Variants in OR6B3 observed in about 807,000 individuals in gnomAD.
OR6B3 encodes olfactory receptor 6B3.
For missense variants in OR6B3, 315 were observed against 427.4 expected, an observed-to-expected ratio of 0.74 and a Z score of 2.32; for synonymous variants, 148 against 187.8, an observed-to-expected ratio of 0.79 and a Z score of 1.73.
upstream of OR6B3, among the ~76,000 whole-genome samples, chr2:240,049,285 A>AT (rs10716405): frequency 3.3e-5 from 5 of 151,968 alleles, no homozygotes; most frequent in East Asian, 5.8e-4. Context: ...AATAAGTTAT[A>AT]TTTTTTTGTA....
downstream of OR6B3, among the ~76,000 whole-genome samples, chr2:240,044,846 C>T (rs1381992385): frequency 6.6e-6 from 1 of 152,216 alleles, no homozygotes; most frequent in Non-Finnish European, 1.5e-5. Flanking sequence ...TGTTTTGCTG[C>T]TTTCTGAAAT....
rs757786017 is a variant in OR6B3, at chr2:240,045,928, C to T, written c.145G>A (p.Val49Ile). 3.1e-5 allele frequency: 48 copies of T among 1,531,270 alleles called. No individual in the cohort carries two copies. In the Middle Eastern group the frequency reaches 5.1e-4, roughly 16 times the overall value. 94.9% of individuals were successfully genotyped at this position (1,531,270 alleles called of 1,614,324 possible). ...CTGTGGAGGGAGGTGCTGCTCCAGA[C>T]GGTGAGGATGATGGCCAGGTTCTCC... is the stretch of plus-strand genomic sequence containing the variant. Residue 49 changes from valine (V) to isoleucine (I), a missense_variant, in exon 2 of 2, where the codon GTC (valine) becomes ATC (isoleucine). Coordinates refer to ENST00000641019, the Ensembl canonical transcript of OR6B3.
At chr2:240,051,555 A>G (rs1401076596), upstream of OR6B3, among the ~76,000 whole-genome samples, 2 of 152,250 alleles carry the variant, frequency 1.3e-5, no homozygotes, top group Admixed American at 6.5e-5. Flanking sequence ...ACAAAATAGC[A>G]AATTCCTGAT....
chr2:240,047,394 G>A (rs1344989606), upstream of OR6B3, among the ~76,000 whole-genome samples: 1 of 152,184 alleles, frequency 6.6e-6, no homozygotes, highest in Admixed American at 6.5e-5. Flanking sequence ...ATATGGAATG[G>A]TTTCCAAGGT....
chr2:240,045,073 C>T (rs770024667), downstream of OR6B3: 2 of 1,560,856 alleles, frequency 1.3e-6, no homozygotes, highest in Non-Finnish European at 1.7e-6. Flanking sequence ...GTCAAATGGC[C>T]TCCTCAGAGA....
chr2:240,053,182 C>T, the OR6B3 span, among the ~76,000 whole-genome samples: 1 of 152,206 alleles, frequency 6.6e-6, no homozygotes, highest in Non-Finnish European at 1.5e-5. This position sits in a 1 kb window ranked among gnomAD's most constrained non-coding sequence, Gnocchi z 4.1. Flanking sequence ...GCCAGTTCCT[C>T]ACACGCCTGT....
At chr2:240,044,669 T>C (rs896547194), downstream of OR6B3, among the ~76,000 whole-genome samples, 3 of 152,246 alleles carry the variant, frequency 2.0e-5, no homozygotes, top group African/African-American at 7.2e-5. Context: ...CCCAAGACAA[T>C]CAGAGAACAT....
chr2:240,044,973 A>G (rs375784736), downstream of OR6B3: 50 of 1,058,032 alleles, frequency 4.7e-5, 1 homozygote, highest in South Asian at 3.5e-4. Flanking sequence ...TACCTATGCT[A>G]TTAACCTCAA....
upstream of OR6B3, among the ~76,000 whole-genome samples, chr2:240,050,602 T>C (rs1698244064): frequency 6.6e-6 from 1 of 151,908 alleles, no homozygotes; most frequent in South Asian, 2.1e-4. Context: ...TAATCCCAGC[T>C]ACTCCAAAGT....
exon 2 of OR6B3, chr2:240,045,396 A>C (rs1178436362): frequency 1.9e-6 from 3 of 1,614,218 alleles, no homozygotes. Flanking sequence ...GGGGATGCGC[A>C]GGACAGCCAG....
upstream of OR6B3, among the ~76,000 whole-genome samples, chr2:240,050,855 T>A (rs1225155164): frequency 2.0e-5 from 3 of 151,704 alleles, no homozygotes; most frequent in African/African-American, 7.3e-5. Flanking sequence ...GGAATTAGAA[T>A]AGTAAAATTT....
At chr2:240,047,545 T>C (rs1202380103), upstream of OR6B3, among the ~76,000 whole-genome samples, 1 of 152,224 alleles carries the variant, frequency 6.6e-6, no homozygotes, top group African/African-American at 2.4e-5. Context: ...GCAGAGCAGG[T>C]CACTGGAACA....
upstream of OR6B3, among the ~76,000 whole-genome samples, chr2:240,049,659 T>G (rs189953557): frequency 6.6e-6 from 1 of 152,138 alleles, no homozygotes; most frequent in Non-Finnish European, 1.5e-5. Flanking sequence ...CAAAACAAAA[T>G]GCAAACGTCT....
chr2:240,045,485 C>T (rs1698171576), exon 2 of OR6B3: 1 of 1,614,038 alleles, frequency 6.2e-7, no homozygotes, highest in Non-Finnish European at 8.5e-7. Flanking sequence ...AATCCACCAG[C>T]TCTGCAGTGG....
upstream of OR6B3, among the ~76,000 whole-genome samples, chr2:240,051,495 C>T (rs1196222549): frequency 6.6e-6 from 1 of 152,198 alleles, no homozygotes. Context: ...GCAGATCTTT[C>T]CTACATTAGG....
Position 240,045,972 on chromosome 2 carries a change from G to A in OR6B3, c.101C>T (p.Thr34Ile), listed in dbSNP as rs555021754. Residue 34 changes from threonine to isoleucine, a missense_variant, in exon 2 of 2, where the codon ACC becomes ATC. Thr to Ile is a moderately conservative substitution (Grantham distance 89). Transcript: ENST00000641019. ...GTTCTCCACCAGGACAAAGAGGTAG[G>A]TGAGCAGGAAGAGGAGGAAGAGCAG... 1.6e-5 allele frequency: 26 copies of A among 1,597,694 alleles called. No homozygotes were observed. The South Asian group carries it at 2.6e-4, about 16-fold the overall frequency.
exon 2 of OR6B3, chr2:240,045,273 G>T (rs1339438913): frequency 6.2e-7 from 1 of 1,614,114 alleles, no homozygotes; most frequent in Non-Finnish European, 8.5e-7. Flanking sequence ...GGAGCTCCGG[G>T]AATCAATGGC....
At chr2:240,052,036 T>G in the OR6B3 span, among the ~76,000 whole-genome samples, 2,814 of 152,284 alleles carry the variant, frequency 0.018, 90 homozygotes, top group African/African-American at 0.065. The surrounding 1 kb of genome is among the most constrained non-coding windows in gnomAD (Gnocchi z 4.5). Flanking sequence ...GTAGACAAAA[T>G]TATCATTATT....
At chr2:240,053,124 T>G in the OR6B3 span, among the ~76,000 whole-genome samples, 1 of 152,198 alleles carries the variant, frequency 6.6e-6, no homozygotes, top group African/African-American at 2.4e-5. This position sits in a 1 kb window ranked among gnomAD's most constrained non-coding sequence, Gnocchi z 4.1. Flanking sequence ...AGACAGATTT[T>G]ATGGTGGGGC....
Sources: allele counts gnomAD v4.1 joint callset (sites outside exome capture counted in the v4.1 genomes callset), GRCh38; gene constraint gnomAD v4.1.1; non-coding constraint Gnocchi (gnomAD v3.1); transcripts MANE v1.5; gene names NCBI Gene and HGNC (gene_info 2026-07-23, HGNC 2026-07-21).